Variants in TRPM3 observed in about 807,000 individuals in gnomAD.
TRPM3 encodes the protein transient receptor potential cation channel subfamily M member 3.
TRPM3 carries 77 observed loss-of-function variants against 181.2 expected under a neutral mutation model. The observed-to-expected ratio is 0.42, with a 90% CI of 0.35 to 0.51. TRPM3 has a LOEUF of 0.51. TRPM3 is among the 20% of genes least tolerant of loss of function. The pLI is 0.01. For missense variants in TRPM3, 1,759 were observed against 2,196.7 expected (o/e 0.80, Z 3.98); for synonymous variants, 745 against 796.4 (o/e 0.94, Z 1.09).
At chr9:70,882,850 G>A (rs188280555) in intron 1 of TRPM3, among the ~76,000 whole-genome samples, 11 of 152,200 alleles carry the variant, frequency 7.2e-5, no homozygotes, top group Admixed American at 6.5e-4. Flanking sequence ...TTGGTTGCAG[G>A]TCATGGCAAC....
chr9:71,053,661 G>C (rs2060319587), intron 1 of TRPM3, among the ~76,000 whole-genome samples: 1 of 152,082 alleles, frequency 6.6e-6, no homozygotes, highest in South Asian at 2.1e-4. Context: ...AATGTCTAAG[G>C]GTCTAACTGT....
chr9:70,766,810 T>C (rs1056419932), intron 7 of TRPM3, among the ~76,000 whole-genome samples: 1 of 152,266 alleles, frequency 6.6e-6, no homozygotes, highest in Non-Finnish European at 1.5e-5. Context: ...AACAGCATTA[T>C]GGCCACCAGG....
intron 1 of TRPM3, among the ~76,000 whole-genome samples, chr9:71,440,527 T>C (rs1375804552): frequency 6.6e-6 from 1 of 152,242 alleles, no homozygotes; most frequent in Non-Finnish European, 1.5e-5. Context: ...CAGGCATAAA[T>C]GTCTCAGAAG....
chr9:70,852,013 G>A (rs1160344336), intron 3 of TRPM3, among the ~76,000 whole-genome samples: 1 of 150,950 alleles, frequency 6.6e-6, no homozygotes, highest in East Asian at 1.9e-4. Context: ...TAGCTACTTG[G>A]GAGGCTGAGG....
upstream of TRPM3, among the ~76,000 whole-genome samples, chr9:71,121,828 C>T (rs1483821581): frequency 6.6e-6 from 1 of 152,090 alleles, no homozygotes; most frequent in Non-Finnish European, 1.5e-5. Flanking sequence ...GGGGTGAGGA[C>T]ACAGGGAGAG....
chr9:71,366,055 A>G (rs1035965924), intron 1 of TRPM3, among the ~76,000 whole-genome samples: 2 of 152,172 alleles, frequency 1.3e-5, no homozygotes, highest in South Asian at 4.1e-4. Flanking sequence ...GAAGGCTGTT[A>G]AAAGAGCTTT....
chr9:70,682,894 T>G (rs939782374), intron 8 of TRPM3, among the ~76,000 whole-genome samples: 2 of 152,158 alleles, frequency 1.3e-5, no homozygotes, highest in African/African-American at 4.8e-5. Flanking sequence ...ACAATCAGAT[T>G]TGCTAATCTA....
intron 1 of TRPM3, among the ~76,000 whole-genome samples, chr9:71,260,722 A>G (rs1176507286): frequency 6.6e-6 from 1 of 152,198 alleles, no homozygotes; most frequent in African/African-American, 2.4e-5. Flanking sequence ...ATTTTTGCAC[A>G]TTGATTTTGT....
rs549753475 is a variant in TRPM3 at position 70,761,423 on chromosome 9, A to G, written c.1272+178T>C. ...GCACACACCTTATTAACTCGAAGGC[A>G]GTAAAAGCAGTGTCTTAGTTACTTA... On this transcript the variant is annotated intron_variant, in intron 8 of 25. Transcript: ENST00000677713. 356 of 789,478 alleles carry G rather than the reference A, an allele frequency of 4.5e-4. No homozygotes were observed. The African/African-American group carries it at 5.7e-3, about 13-fold the overall frequency. 48.9% of individuals were successfully genotyped at this position (789,478 alleles called of 1,614,324 possible).
chr9:70,845,235 T>C (rs2094904833), intron 4 of TRPM3, among the ~76,000 whole-genome samples: 1 of 152,196 alleles, frequency 6.6e-6, no homozygotes, highest in Non-Finnish European at 1.5e-5. Context: ...AACATTAAGA[T>C]AACGTGTTAT....
At chr9:70,768,656 C>T (rs1449979442) in intron 7 of TRPM3, among the ~76,000 whole-genome samples, 2 of 151,734 alleles carry the variant, frequency 1.3e-5, no homozygotes, top group African/African-American at 4.8e-5. Context: ...TGTGGTGGCT[C>T]ACATCGATAA....
At chr9:71,076,812 TAC>T (rs2063525119) in intron 1 of TRPM3, among the ~76,000 whole-genome samples, 1 of 152,114 alleles carries the variant, frequency 6.6e-6, no homozygotes, top group Non-Finnish European at 1.5e-5. Flanking sequence ...AGGCATTAGG[TAC>T]AGTGTGATTG....
rs150446687 is a variant in TRPM3 at position 71,009,706 on chromosome 9, C to T, written c.177+111472G>A. Among the ~76,000 whole-genome samples, 92 of 152,186 alleles carry T rather than the reference C, an allele frequency of 6.0e-4. 1 individual carries two copies. In the East Asian group the frequency reaches 0.017, roughly 28 times the overall value. On this transcript the variant is annotated intron_variant, in intron 1 of 25. Transcript: ENST00000677713. ...GCAGTCTCTATCAAAATATGAAAGA[C>T]ATTCTTCACAGAAATAGAAAAAAAA...
chr9:70,669,788 AG>A (rs1426816182), intron 9 of TRPM3, among the ~76,000 whole-genome samples: 1 of 148,690 alleles, frequency 6.7e-6, no homozygotes, highest in Non-Finnish European at 1.5e-5. Context: ...TTGTTGCCCA[AG>A]CTGGAATGCA....
At chr9:71,104,658 T>A (rs1309215741) in intron 1 of TRPM3, among the ~76,000 whole-genome samples, 2 of 152,212 alleles carry the variant, frequency 1.3e-5, no homozygotes, top group African/African-American at 4.8e-5. Flanking sequence ...AAAGTTAATT[T>A]TCTTCCTCTC....
At chr9:70,854,695 G>A (rs2095338573) in intron 3 of TRPM3, among the ~76,000 whole-genome samples, 8 of 152,082 alleles carry the variant, frequency 5.3e-5, no homozygotes, top group Admixed American at 5.2e-4. Flanking sequence ...GATAAACTGG[G>A]CTCGAATAAG....
intron 7 of TRPM3, among the ~76,000 whole-genome samples, chr9:70,769,934 C>G (rs2079899663): frequency 6.6e-6 from 1 of 152,140 alleles, no homozygotes; most frequent in Non-Finnish European, 1.5e-5. Flanking sequence ...CCCCATGCCT[C>G]TTTGTCCTCA....
At chr9:71,309,345 C>A (rs1447397555) in intron 1 of TRPM3, among the ~76,000 whole-genome samples, 2 of 152,110 alleles carry the variant, frequency 1.3e-5, no homozygotes, top group Non-Finnish European at 2.9e-5. Context: ...CTCAAACTAA[C>A]ATAATATAGT....
intron 1 of TRPM3, among the ~76,000 whole-genome samples, chr9:71,360,977 G>A (rs1241230217): frequency 6.6e-6 from 1 of 152,096 alleles, no homozygotes; most frequent in Non-Finnish European, 1.5e-5. Flanking sequence ...AAAAATTTTT[G>A]TAACAATTTT....
Sources: gnomAD v4.1 joint callset for allele counts (sites outside exome capture counted in the v4.1 genomes callset) on GRCh38, gnomAD v4.1.1 for gene constraint, MANE v1.5 for transcripts, NCBI Gene and HGNC (gene_info 2026-07-23, HGNC 2026-07-21) for gene names.